CLTCL1: variants seen among roughly 807,000 people sequenced by gnomAD.
CLTCL1 encodes clathrin heavy chain 2.
Under a neutral mutation model 190.0 loss-of-function variants are expected in CLTCL1, and 159 were observed. The ratio of observed to expected loss-of-function variants is 0.84; its 90% confidence interval spans 0.74 to 0.95. The LOEUF (loss-of-function observed/expected upper bound fraction) is 0.95, where lower values mean the gene tolerates loss of function less well. CLTCL1 is among the 40% of genes least tolerant of loss of function. The pLI is 0.00. For missense variants in CLTCL1, 1,878 were observed against 2,033.4 expected (o/e 0.92, Z 1.47); for synonymous variants, 752 against 769.6 (o/e 0.98, Z 0.38).
At chr22:19,267,986 A>T (rs555692076) in intron 2 of CLTCL1, among the ~76,000 whole-genome samples, 1 of 152,164 alleles carries the variant, frequency 6.6e-6, no homozygotes, top group African/African-American at 2.4e-5. Flanking sequence ...AAAAAAAAAT[A>T]GGTAAGTTGG....
chr22:19,199,066 T>C (rs1202683534), intron 24 of CLTCL1, among the ~76,000 whole-genome samples: 4 of 152,040 alleles, frequency 2.6e-5, no homozygotes, highest in Non-Finnish European at 4.4e-5. Context: ...ACGTCTCACA[T>C]AGTGAGGGGT....
chr22:19,180,348 C>A, intron 31 of CLTCL1, 110 bp from the exon 32 acceptor site: 1 of 1,214,246 alleles, frequency 8.2e-7, no homozygotes, highest in Non-Finnish European at 1.2e-6. Context: ...GTGTTTGCCC[C>A]ACAGTGTCCA....
chr22:19,224,132 G>A lies in CLTCL1; in HGVS notation c.2129-78C>T, dbSNP rs548857602. ...CCGTAGCTGCTGCCCACCTTCCCTC[G>A]ATGACCCTGCTCCACTCTCCAGGGA... On this transcript the variant is annotated intron_variant, in intron 13 of 32. Transcript: ENST00000427926. The A allele has an allele frequency of 1.3e-5, 19 of 1,470,670 alleles. No homozygotes were observed. In the East Asian group the frequency reaches 1.8e-4, roughly 14 times the overall value. 91.1% of individuals were successfully genotyped at this position (1,470,670 alleles called of 1,614,324 possible).
chr22:19,212,460 C>A (rs2085256421), intron 19 of CLTCL1, among the ~76,000 whole-genome samples: 1 of 150,682 alleles, frequency 6.6e-6, no homozygotes, highest in Non-Finnish European at 1.5e-5. Flanking sequence ...ACTCAGAAGG[C>A]TGAGATGGGA....
Position 19,210,483 on chromosome 22 carries a change from G to A in CLTCL1, c.3092C>T (p.Thr1031Ile). The A allele has an allele frequency of 6.2e-7, 1 of 1,613,924 alleles. No individual in the cohort carries two copies. Among genetic ancestry groups the A allele is most frequent in the African/African-American group, 1.3e-5 (1 of 75,056 alleles). The change falls in exon 20 of 33, where the codon ACT becomes ATT. Residue 1031 changes from threonine (T) to isoleucine (I), a missense_variant. Coordinates refer to ENST00000427926, the MANE Select transcript of CLTCL1 (RefSeq NM_007098.4). ...CCGTGTGCGGTCTGCCTTGATGGCA[G>A]TCAGGATCAACAGATTCTGTAGATT... ...HRNLQNLLIL[T>I]AIKADRTRVM...
chr22:19,239,915 T>C (rs1169700220), intron 4 of CLTCL1, among the ~76,000 whole-genome samples: 1 of 151,786 alleles, frequency 6.6e-6, no homozygotes, highest in Non-Finnish European at 1.5e-5. Context: ...TCCTGACCTA[T>C]GCCAGTGCCT....
intron 17 of CLTCL1, among the ~76,000 whole-genome samples, chr22:19,220,558 T>C (rs1315240363): frequency 6.6e-6 from 1 of 152,212 alleles, no homozygotes; most frequent in Non-Finnish European, 1.5e-5. Flanking sequence ...ATAACAGATC[T>C]CCAAAACACC....
chr22:19,243,299 G>A (rs782157081), intron 3 of CLTCL1, among the ~76,000 whole-genome samples: 26 of 152,160 alleles, frequency 1.7e-4, no homozygotes, highest in Non-Finnish European at 3.5e-4. Flanking sequence ...TGAAAATTGT[G>A]TTTTCTGAAA....
At position 19,221,312 on chromosome 22, in the gene CLTCL1, A is replaced by C. The variant is rs553896487; in HGVS notation, c.2796+65T>G. 27 of 1,283,978 alleles carry C rather than the reference A, an allele frequency of 2.1e-5. No individual in the cohort carries two copies. The East Asian group carries it at 3.6e-4, about 17-fold the overall frequency. 79.5% of individuals were successfully genotyped at this position (1,283,978 alleles called of 1,614,324 possible). On this transcript the variant is annotated intron_variant, in intron 17 of 32. Coordinates refer to ENST00000427926, the MANE Select transcript of CLTCL1 (RefSeq NM_007098.4). Reference sequence around the variant, plus strand: ...AAGCCCTGATCAGCTCCCCACAGGCACACCTTTGAAAGCTTCCCTGGGAGC... The same window carrying C: ...AAGCCCTGATCAGCTCCCCACAGGCCCACCTTTGAAAGCTTCCCTGGGAGC...
chr22:19,180,452 C>T (rs561600265), intron 31 of CLTCL1, among the ~76,000 whole-genome samples: 81 of 152,286 alleles, frequency 5.3e-4, no homozygotes, highest in Non-Finnish European at 7.9e-4. Flanking sequence ...CCAGCAGCAG[C>T]CTTGCTGTCC....
intron 24 of CLTCL1, among the ~76,000 whole-genome samples, chr22:19,199,135 C>T (rs376247282): frequency 1.3e-5 from 2 of 152,160 alleles, no homozygotes; most frequent in Non-Finnish European, 2.9e-5. Flanking sequence ...ATCCCATCTT[C>T]GTCTGCCTTG....
At chr22:19,206,471 C>A (rs1172676875) in intron 22 of CLTCL1, among the ~76,000 whole-genome samples, 1 of 152,194 alleles carries the variant, frequency 6.6e-6, no homozygotes, top group Non-Finnish European at 1.5e-5. Context: ...GTCTTGAACT[C>A]CTGGGCTCAA....
In CLTCL1 at chr22:19,291,682, G is replaced by T; in HGVS notation, c.-41C>A. 7.4e-7 allele frequency: 1 copy of T among 1,343,418 alleles called. No homozygotes were observed. 83.2% of individuals were successfully genotyped at this position (1,343,418 alleles called of 1,614,324 possible). A position where few individuals can be genotyped will look rare whatever the true frequency, so the allele number is the denominator to read the frequency against. On this transcript the variant is annotated 5_prime_UTR_variant, in exon 1 of 33. Coordinates refer to ENST00000427926, the MANE Select transcript of CLTCL1 (RefSeq NM_007098.4). Reference sequence around the variant, plus strand: ...TCGGCGGCGGCGGCGGCAGCGGCAGGAATGAACGCCGACCCCTCGCGCGGG... The same window carrying T: ...TCGGCGGCGGCGGCGGCAGCGGCAGTAATGAACGCCGACCCCTCGCGCGGG...
intron 2 of CLTCL1, among the ~76,000 whole-genome samples, chr22:19,271,571 G>A (rs1444783317): frequency 5.3e-5 from 8 of 152,094 alleles, no homozygotes; most frequent in Non-Finnish European, 1.0e-4. Context: ...AGGCCTCCTA[G>A]CCAAGCTTCC....
Position 19,291,650 on chromosome 22 carries a change from C to CG in CLTCL1, c.-10dup. On this transcript the variant is annotated 5_prime_UTR_variant, in exon 1 of 33. Transcript: ENST00000427926. Reference sequence around the variant, plus strand: ...GGGAGGATCTGCGCCATGGCTGGTGCGGGACCTCGGCGGCGGCGGCGGCAG... The same window carrying CG: ...GGGAGGATCTGCGCCATGGCTGGTGCGGGGACCTCGGCGGCGGCGGCGGCAG... The CG allele has an allele frequency of 7.2e-7, 1 of 1,382,260 alleles. No individual in the cohort carries two copies. Among genetic ancestry groups the CG allele is most frequent in the Non-Finnish European group, 9.5e-7 (1 of 1,054,260 alleles). 85.6% of individuals were successfully genotyped at this position (1,382,260 alleles called of 1,614,324 possible).
chr22:19,190,246 C>T (rs2084447861), intron 27 of CLTCL1, among the ~76,000 whole-genome samples: 1 of 152,352 alleles, frequency 6.6e-6, no homozygotes, highest in South Asian at 2.1e-4. Context: ...GCATAAGCCA[C>T]CATTCCCGGC....
chr22:19,183,069 T>G, intron 30 of CLTCL1: 1 of 319,310 alleles, frequency 3.1e-6, no homozygotes, highest in Non-Finnish European at 6.0e-6. Context: ...ACTGTCACCT[T>G]GTTGAAGTCC....
At chr22:19,261,243 G>A (rs1342367573) in intron 2 of CLTCL1, among the ~76,000 whole-genome samples, 1 of 152,040 alleles carries the variant, frequency 6.6e-6, no homozygotes, top group African/African-American at 2.4e-5. Flanking sequence ...CTCCCCAGTA[G>A]CTGGGACTAC....
At chr22:19,183,182 CATG>C (rs1555926569) in intron 30 of CLTCL1, 9 of 558,732 alleles carry the variant, frequency 1.6e-5, no homozygotes, top group Non-Finnish European at 2.3e-5. Flanking sequence ...GGGCACTCCC[CATG>C]ATGATTTTCT....
Sources: allele counts gnomAD v4.1 joint callset (sites outside exome capture counted in the v4.1 genomes callset), GRCh38; gene constraint gnomAD v4.1.1; transcripts MANE v1.5; gene names NCBI Gene and HGNC (gene_info 2026-07-23, HGNC 2026-07-21).